The following CCDC30 variants were observed in gnomAD, a reference collection of about 807,000 sequenced individuals.
CCDC30 encodes the protein coiled-coil domain containing 30, also known as coiled-coil domain-containing protein 30.
CCDC30 carries 70 observed loss-of-function variants against 100.2 expected under a neutral mutation model. The observed-to-expected ratio is 0.70, with a 90% confidence interval of 0.58 to 0.85. The LOEUF (loss-of-function observed/expected upper bound fraction) is 0.85. Among genes scored for constraint, CCDC30 ranks in the 40% least tolerant of loss-of-function variants. The pLI, the probability that CCDC30 is intolerant of heterozygous loss-of-function variation, is 0.00. For missense variants in CCDC30, 652 were observed against 771.2 expected (o/e 0.85, Z 1.83); for synonymous variants, 233 against 269.5 (o/e 0.86, Z 1.33).
At chr1:42,502,037 T>C (rs921700714) in intron 6 of CCDC30, among the ~76,000 whole-genome samples, 1 of 152,246 alleles carries the variant, frequency 6.6e-6, no homozygotes, top group Non-Finnish European at 1.5e-5. Context: ...TTTGTTCAGC[T>C]ATGCCCTGCC....
intron 3 of CCDC30, among the ~76,000 whole-genome samples, chr1:42,485,860 T>G (rs1217795271): frequency 1.3e-5 from 2 of 152,100 alleles, no homozygotes; most frequent in African/African-American, 4.8e-5. Context: ...ACATATACAA[T>G]TATTATTTGT....
chr1:42,493,185 A>G (rs1644173725), intron 4 of CCDC30, among the ~76,000 whole-genome samples: 1 of 152,104 alleles, frequency 6.6e-6, no homozygotes, highest in Non-Finnish European at 1.5e-5. Flanking sequence ...GAATAAGAAC[A>G]ATAAGAATAT....
At chr1:42,528,230 C>G (rs957550709) in intron 6 of CCDC30, among the ~76,000 whole-genome samples, 9 of 152,200 alleles carry the variant, frequency 5.9e-5, no homozygotes, top group African/African-American at 1.7e-4. Context: ...AATAGGTGTG[C>G]TAGCTCTGAT....
At chr1:42,593,793 A>G (rs977303370) in intron 10 of CCDC30, 2 of 152,406 alleles carry the variant, frequency 1.3e-5, no homozygotes, top group African/African-American at 4.8e-5. Flanking sequence ...CCACAGTAAC[A>G]CAAGAAAAAT....
intron 13 of CCDC30, among the ~76,000 whole-genome samples, chr1:42,642,811 G>A (rs1352940450): frequency 6.6e-6 from 1 of 152,190 alleles, no homozygotes; most frequent in Non-Finnish European, 1.5e-5. Context: ...AGGCTGGTTG[G>A]CTATTTAGAT....
intron 6 of CCDC30, among the ~76,000 whole-genome samples, chr1:42,500,510 T>TG (rs778044638): frequency 3.2e-4 from 48 of 151,264 alleles, no homozygotes; most frequent in Non-Finnish European, 5.7e-4. Context: ...GCCTCCCGGG[T>TG]TCACACCATT....
At chr1:42,457,357 G>A in the CCDC30 span, 11 of 1,609,838 alleles carry the variant, frequency 6.8e-6, no homozygotes, top group African/African-American at 1.1e-4. Context: ...GCAGGTGATG[G>A]GCGCTTCTCT....
intron 6 of CCDC30, among the ~76,000 whole-genome samples, chr1:42,546,091 T>C (rs1187540217): frequency 6.6e-6 from 1 of 151,708 alleles, no homozygotes; most frequent in Non-Finnish European, 1.5e-5. Flanking sequence ...ACAACGAATG[T>C]ATGCGGCCTG....
At chr1:42,500,215 C>T (rs1644288536) in intron 6 of CCDC30, 6 of 1,575,268 alleles carry the variant, frequency 3.8e-6, no homozygotes, top group African/African-American at 1.4e-5. Flanking sequence ...TTATGATTCG[C>T]CTGCTTGCTT....
At chr1:42,525,075 TC>T (rs1449697774) in intron 6 of CCDC30, among the ~76,000 whole-genome samples, 1 of 152,208 alleles carries the variant, frequency 6.6e-6, no homozygotes, top group Non-Finnish European at 1.5e-5. Context: ...ATTTCTTTTT[TC>T]TCTGGCATTT....
At chr1:42,508,920 C>A (rs1281686803) in intron 6 of CCDC30, among the ~76,000 whole-genome samples, 3 of 152,164 alleles carry the variant, frequency 2.0e-5, no homozygotes, top group Non-Finnish European at 4.4e-5. Context: ...TTTAATCAAA[C>A]TGAGCACTCT....
chr1:42,519,343 C>A (rs1409568213), intron 6 of CCDC30, among the ~76,000 whole-genome samples: 2 of 152,080 alleles, frequency 1.3e-5, no homozygotes, highest in African/African-American at 4.8e-5. Flanking sequence ...CTTAAAGGAA[C>A]ATTGGGAAAA....
At chr1:42,493,558 G>T (rs1226929331) in intron 4 of CCDC30, among the ~76,000 whole-genome samples, 2 of 152,078 alleles carry the variant, frequency 1.3e-5, no homozygotes, top group Non-Finnish European at 2.9e-5. Flanking sequence ...CTGCACTCCA[G>T]CCTGGCCACA....
In CCDC30 at chr1:42,538,069, C is replaced by G. The variant is rs1306146448; in HGVS notation, c.457-28227C>G. 5 of 148,390 alleles carry G rather than the reference C, an allele frequency of 3.4e-5. No individual in the cohort carries two copies. The East Asian group carries it at 9.8e-4, about 29-fold the overall frequency. 9.2% of individuals were successfully genotyped at this position (148,390 alleles called of 1,614,324 possible). A position where few individuals can be genotyped will look rare whatever the true frequency, so the allele number is the denominator to read the frequency against. ...GCACAATGGCTCACATCTGTAATCC[C>G]AGCACTTTGGGAGGCTGAGGCAAGA... On this transcript the variant is annotated intron_variant, in intron 6 of 16. Transcript: ENST00000668663.
Position 42,581,532 on chromosome 1 carries a change from C to G in CCDC30, c.1001+18C>G, listed in dbSNP as rs2148592802. 1.2e-6 allele frequency: 2 copies of G among 1,600,724 alleles called. No individual in the cohort carries two copies. Among genetic ancestry groups the G allele is most frequent in the East Asian group, 2.2e-5 (1 of 44,576 alleles). On this transcript the variant is annotated intron_variant, in intron 9 of 16. Transcript: ENST00000668663. Reference sequence around the variant, plus strand: ...CAGAAGAGGTAAGAGGAGCAGAGATCTCAGTTTCCTGTGGGTTTAGCCATG... The same window carrying G: ...CAGAAGAGGTAAGAGGAGCAGAGATGTCAGTTTCCTGTGGGTTTAGCCATG...
chr1:42,525,980 A>G (rs1354428798), intron 6 of CCDC30, among the ~76,000 whole-genome samples: 1 of 152,046 alleles, frequency 6.6e-6, no homozygotes, highest in Admixed American at 6.5e-5. Context: ...TTCAGGAAAG[A>G]CTTGAAAAAC....
intron 6 of CCDC30, 110 bp from the exon 9 acceptor site, chr1:42,545,300 A>G (rs908825939): frequency 1.3e-6 from 1 of 792,332 alleles, no homozygotes; most frequent in African/African-American, 1.8e-5. Context: ...ATGTCATTTT[A>G]TATTATATAA....
chr1:42,587,881 C>T (rs1646107653), intron 9 of CCDC30, among the ~76,000 whole-genome samples: 1 of 152,128 alleles, frequency 6.6e-6, no homozygotes, highest in Admixed American at 6.6e-5. Context: ...TGGTCTAGGT[C>T]CCATTGCTTA....
intron 7 of CCDC30, among the ~76,000 whole-genome samples, chr1:42,574,913 A>AT (rs1452590727): frequency 9.2e-5 from 14 of 152,302 alleles, no homozygotes; most frequent in South Asian, 6.2e-4. Context: ...GGTCTTTCCT[A>AT]TGTGTCTGGC....
Sources: gnomAD v4.1 joint callset for allele counts (sites outside exome capture counted in the v4.1 genomes callset) on GRCh38, gnomAD v4.1.1 for gene constraint, MANE v1.5 for transcripts, NCBI Gene and HGNC (gene_info 2026-07-23, HGNC 2026-07-21) for gene names.